IVNS1ABP: variants seen among roughly 807,000 people sequenced by gnomAD.
The protein encoded by IVNS1ABP is influenza virus NS1A-binding protein.
Under a neutral mutation model 78.9 loss-of-function variants are expected in IVNS1ABP, and 25 were observed. That is an observed-to-expected ratio of 0.32 (90% CI 0.23 to 0.44). The LOEUF (loss-of-function observed/expected upper bound fraction) is 0.44. Among genes scored for constraint, IVNS1ABP ranks in the 20% least tolerant of loss-of-function variants. The probability of loss-of-function intolerance (pLI) is 1.00; values close to 1 mark genes in which losing one functional copy is unlikely to be tolerated. For synonymous variants in IVNS1ABP, 241 were observed against 259.7 expected, an observed-to-expected ratio of 0.93 and a Z score of 0.69; for missense variants, 494 against 768.9, an observed-to-expected ratio of 0.64 and a Z score of 4.23.
Position 185,305,043 on chromosome 1 carries a change from C to A in IVNS1ABP, c.765+493G>T, listed in dbSNP as rs1665699560. 6.6e-6 allele frequency among the ~76,000 whole-genome samples: 1 copy of A among 152,112 alleles called. No homozygotes were observed. Among genetic ancestry groups the A allele is most frequent in the African/African-American group, 2.4e-5 (1 of 41,446 alleles). On this transcript the variant is annotated intron_variant, in intron 8 of 14. Coordinates refer to ENST00000367498, the MANE Select transcript of IVNS1ABP (RefSeq NM_006469.5). The surrounding 1 kb of genome is among the most constrained non-coding windows in gnomAD (Gnocchi z 4.0). ...ATCTTGGTTAAAGAAACATCTAGAT[C>A]AGGTTTTAACATATGATCCACCACT...
chr1:185,307,104 G>A lies in IVNS1ABP; in HGVS notation c.567C>T (p.Pro189=). Residue 189 remains proline (P), a synonymous_variant, in exon 7 of 15, where the codon CCC becomes CCT. Coordinates refer to ENST00000367498, the MANE Select transcript of IVNS1ABP (RefSeq NM_006469.5). ...CCTTTGTATATAATTTGCCATTGCT[G>A]GGCAAGCAAACATTATCTTCAAGCA... ...EVMLEDNVCL[P]SNGKLYTKVI... 6.2e-7 allele frequency: 1 copy of A among 1,613,356 alleles called. No individual in the cohort carries two copies. The highest frequency in any genetic ancestry group is 1.1e-5 in the South Asian group (1 of 91,064).
intron 1 of IVNS1ABP, among the ~76,000 whole-genome samples, chr1:185,314,377 T>C (rs1360806610): frequency 1.3e-5 from 2 of 152,158 alleles, no homozygotes; most frequent in Non-Finnish European, 2.9e-5. Context: ...CTCAGTTCTC[T>C]AGCCTGGAAC....
At chr1:185,306,379 AT>A (rs918614750) in intron 7 of IVNS1ABP, 224 of 939,656 alleles carry the variant, frequency 2.4e-4, no homozygotes, top group Admixed American at 3.7e-4. Context: ...TATCTTGTGT[AT>A]TTTTTTTAAA....
chr1:185,316,060 C>A (rs1184207063), intron 1 of IVNS1ABP, among the ~76,000 whole-genome samples: 1 of 152,182 alleles, frequency 6.6e-6, no homozygotes, highest in Non-Finnish European at 1.5e-5. Flanking sequence ...TAGGTTCAAC[C>A]CTCAGCCTGA....
At chr1:185,299,451 TAGA>T in intron 14 of IVNS1ABP, 1 of 488,444 alleles carries the variant, frequency 2.0e-6, no homozygotes, top group Non-Finnish European at 3.7e-6. Context: ...ATATGTTTTA[TAGA>T]AGAAAATGAC....
rs76422486 is a variant in IVNS1ABP, at chr1:185,309,197, A to G, written c.112-25T>C. The G allele has an allele frequency of 7.2e-4, 1,095 of 1,517,630 alleles. 3 individuals carry two copies. Among genetic ancestry groups the G allele is most frequent in the Middle Eastern group, 2.9e-3 (15 of 5,254 alleles). The allele number at this position is 1,517,630 out of a possible 1,614,324, so 94.0% of individuals were successfully genotyped here. A position where few individuals can be genotyped will look rare whatever the true frequency, so the allele number is the denominator to read the frequency against. The stretch of plus-strand genomic sequence containing the variant: ...CCTGAAATTATGAAGAATTATAATT[A>G]TAAGTATTGTGGATTATGTGCTTCT... On this transcript the variant is annotated intron_variant, in intron 3 of 14. Transcript: ENST00000367498.
intron 1 of IVNS1ABP, among the ~76,000 whole-genome samples, chr1:185,315,047 C>G (rs1023559680): frequency 1.3e-5 from 2 of 152,148 alleles, no homozygotes; most frequent in African/African-American, 4.8e-5. Flanking sequence ...CAATCTCTTA[C>G]TCACAATACT....
chr1:185,307,832 AT>A, intron 5 of IVNS1ABP, 170 bp from the exon 6 acceptor site: 1 of 1,231,952 alleles, frequency 8.1e-7, no homozygotes. Flanking sequence ...TAAACATCTA[AT>A]TATGCCATAC....
At chr1:185,310,860 A>G (rs937148448) in intron 2 of IVNS1ABP, among the ~76,000 whole-genome samples, 10 of 152,126 alleles carry the variant, frequency 6.6e-5, no homozygotes, top group Non-Finnish European at 1.2e-4. Context: ...CCTGGACAAC[A>G]GAGATCTTAT....
At chr1:185,314,668 G>A (rs1265636604) in intron 1 of IVNS1ABP, among the ~76,000 whole-genome samples, 2 of 152,060 alleles carry the variant, frequency 1.3e-5, no homozygotes, top group Non-Finnish European at 1.5e-5. Context: ...AATGAGTAAA[G>A]CATGGAAACA....
At chr1:185,309,579 G>T in intron 2 of IVNS1ABP, 68 bp from the exon 3 acceptor site, 1 of 767,560 alleles carries the variant, frequency 1.3e-6, no homozygotes, top group Non-Finnish European at 2.2e-6. Flanking sequence ...TAATGCTAAA[G>T]AGTAATACAG....
In IVNS1ABP at chr1:185,296,640, T is replaced by C. The variant is rs1263623711; in HGVS notation, c.*1395A>G. ...CCAGTGAACATTTGGAGAAAATACC[T>C]AATTATTTTCTTCCTAACCCAAGTT... On this transcript the variant is annotated 3_prime_UTR_variant, in exon 15 of 15. Transcript: ENST00000367498. 1.3e-5 allele frequency: 2 copies of C among 152,104 alleles called. No homozygotes were observed. Among genetic ancestry groups the C allele is most frequent in the Admixed American group, 1.3e-4 (2 of 15,258 alleles). The allele number at this position is 152,104 out of a possible 1,614,324, so 9.4% of individuals were successfully genotyped here.
rs768292979 is a variant in IVNS1ABP, at chr1:185,298,492, G to A, written c.1676-204C>T. On this transcript the variant is annotated intron_variant, in intron 14 of 14. Coordinates refer to ENST00000367498, the MANE Select transcript of IVNS1ABP (RefSeq NM_006469.5). This position sits in a 1 kb window ranked among gnomAD's most constrained non-coding sequence, Gnocchi z 4.1. ...AAATCAATAAAAAAACCATTCCCAC[G>A]TGGAACTTAGGCAACTTAAAAGGGG... 3.0e-5 allele frequency: 17 copies of A among 566,184 alleles called. No homozygotes were observed. Among genetic ancestry groups the A allele is most frequent in the Non-Finnish European group, 4.9e-5 (16 of 328,770 alleles). The allele number at this position is 566,184 out of a possible 1,614,324, so 35.1% of individuals were successfully genotyped here. A position where few individuals can be genotyped will look rare whatever the true frequency, so the allele number is the denominator to read the frequency against.
intron 1 of IVNS1ABP, among the ~76,000 whole-genome samples, chr1:185,315,327 A>C (rs1665987087): frequency 6.6e-6 from 1 of 152,274 alleles, no homozygotes; most frequent in African/African-American, 2.4e-5. Flanking sequence ...AAAAGCAAGT[A>C]GCCAAAAAGA....
chr1:185,308,049 A>G (rs1324207671), intron 5 of IVNS1ABP: 3 of 1,547,278 alleles, frequency 1.9e-6, no homozygotes, highest in African/African-American at 1.4e-5. Context: ...TGGAGAAAAG[A>G]TAACTAGGAA....
Position 185,297,892 on chromosome 1 carries a change from A to C in IVNS1ABP, c.*143T>G. The C allele has an allele frequency of 1.4e-6, 1 of 731,948 alleles. No homozygotes were observed. Among genetic ancestry groups the C allele is most frequent in the Non-Finnish European group, 2.3e-6 (1 of 438,914 alleles). The allele number at this position is 731,948 out of a possible 1,614,324, so 45.3% of individuals were successfully genotyped here. A position where few individuals can be genotyped will look rare whatever the true frequency, so the allele number is the denominator to read the frequency against. On this transcript the variant is annotated 3_prime_UTR_variant, in exon 15 of 15. Transcript: ENST00000367498. Reference sequence around the variant, plus strand: ...AATAAACCCAAAAAGTATGTACAGCATGTTTAATAGTATGCAATATGCAAA... The same window carrying C: ...AATAAACCCAAAAAGTATGTACAGCCTGTTTAATAGTATGCAATATGCAAA...
Position 185,297,770 on chromosome 1 carries a change from T to C in IVNS1ABP, c.*265A>G, listed in dbSNP as rs1330518558. 6 of 451,602 alleles carry C rather than the reference T, an allele frequency of 1.3e-5. No individual in the cohort carries two copies. The East Asian group carries it at 2.3e-4, about 17-fold the overall frequency. 28.0% of individuals were successfully genotyped at this position (451,602 alleles called of 1,614,324 possible). On this transcript the variant is annotated 3_prime_UTR_variant, in exon 15 of 15. Transcript: ENST00000367498. ...GGAGAGGGGACTTCTTGAAATGATGTGCCCAATCAATTCTTGGTTTATTCT... is the reference window on the plus strand; with the variant it reads ...GGAGAGGGGACTTCTTGAAATGATGCGCCCAATCAATTCTTGGTTTATTCT...
chr1:185,306,668 C>A, intron 7 of IVNS1ABP: 1 of 1,141,854 alleles, frequency 8.8e-7, no homozygotes, highest in Non-Finnish European at 1.1e-6. Context: ...CCATTAGAAG[C>A]TTTTACCTAC....
intron 7 of IVNS1ABP, chr1:185,306,737 G>T: frequency 2.4e-6 from 2 of 849,850 alleles, no homozygotes; most frequent in Admixed American, 4.4e-5. Flanking sequence ...GAAAATTTCA[G>T]TACCACTTCC....
Sources: allele counts gnomAD v4.1 joint callset (sites outside exome capture counted in the v4.1 genomes callset), GRCh38; gene constraint gnomAD v4.1.1; non-coding constraint Gnocchi (gnomAD v3.1); transcripts MANE v1.5; gene names NCBI Gene and HGNC (gene_info 2026-07-23, HGNC 2026-07-21).